JAKMIP1: variants seen among roughly 807,000 people sequenced by gnomAD.
JAKMIP1 encodes janus kinase and microtubule-interacting protein 1.
A neutral mutation model predicts 113.0 loss-of-function variants in JAKMIP1; 33 were observed. The observed-to-expected ratio is 0.29, with a 90% CI of 0.22 to 0.39. The LOEUF is 0.39. Among genes scored for constraint, JAKMIP1 ranks in the 10% least tolerant of loss-of-function variants. JAKMIP1 has a pLI of 1.00. For missense variants in JAKMIP1, 813 were observed against 1,080.5 expected, an observed-to-expected ratio of 0.75 and a Z score of 3.47; for synonymous variants, 480 against 459.9, an observed-to-expected ratio of 1.04 and a Z score of -0.56.
chr4:6,032,000 G>C lies in JAKMIP1; in HGVS notation c.2380-2219C>G, dbSNP rs1712739929. Among the ~76,000 whole-genome samples, 1 of 152,118 alleles carries C rather than the reference G, an allele frequency of 6.6e-6. No individual in the cohort carries two copies. Among genetic ancestry groups the C allele is most frequent in the Non-Finnish European group, 1.5e-5 (1 of 68,026 alleles). On this transcript the variant is annotated intron_variant, in intron 19 of 20. Transcript: ENST00000409021. This position sits in a 1 kb window ranked among gnomAD's most constrained non-coding sequence, Gnocchi z 4.4. ...GTCTGGTAGTGGCAGGAGTTTCCTG[G>C]CAACCCCCTCACATGCAGGGCGGCC...
rs1236327961 is a variant in JAKMIP1, at chr4:6,057,089, C to A, written c.1645-330G>T. ...GCATGCGGAAGGCTGACCTCATACC[C>A]CGCAGACTGGCCAGAGCCACACTGA... On this transcript the variant is annotated intron_variant, in intron 11 of 20. Coordinates refer to ENST00000409021, the MANE Select transcript of JAKMIP1 (RefSeq NM_001099433.2). 2.6e-5 allele frequency among the ~76,000 whole-genome samples: 4 copies of A among 152,194 alleles called. 1 individual carries two copies. The East Asian group carries it at 7.7e-4, about 29-fold the overall frequency.
rs767525335 is a variant in JAKMIP1 at position 6,081,561 on chromosome 4, G to A, written c.1101+48C>T. On this transcript the variant is annotated intron_variant, in intron 6 of 20. Coordinates refer to ENST00000409021, the MANE Select transcript of JAKMIP1 (RefSeq NM_001099433.2). The surrounding 1 kb of genome is among the most constrained non-coding windows in gnomAD (Gnocchi z 4.6). ...GGAGGTTCAGGGCTGAAGAATCCCA[G>A]ACAGAGAAGGGAGTGTCAGGGCTGT... 2.5e-6 allele frequency: 4 copies of A among 1,608,318 alleles called. No homozygotes were observed. The highest frequency in any genetic ancestry group is 2.2e-5 in the South Asian group (2 of 90,256).
intron 1 of JAKMIP1, among the ~76,000 whole-genome samples, chr4:6,174,289 G>A (rs1408809149): frequency 6.6e-6 from 1 of 152,196 alleles, no homozygotes; most frequent in Non-Finnish European, 1.5e-5. Flanking sequence ...GTGAACCACA[G>A]ACTCCAAAAG....
intron 5 of JAKMIP1, among the ~76,000 whole-genome samples, chr4:6,082,825 G>T (rs1169044706): frequency 6.6e-6 from 1 of 152,102 alleles, no homozygotes; most frequent in Non-Finnish European, 1.5e-5. Flanking sequence ...ACAGCCTAAA[G>T]ATCCACCACT....
chr4:6,200,535 C>A lies in JAKMIP1; in HGVS notation c.-430G>T, dbSNP rs949160206. 7 of 150,292 alleles carry A rather than the reference C, an allele frequency of 4.7e-5. No individual in the cohort carries two copies. The highest frequency in any genetic ancestry group is 3.9e-4 in the East Asian group (2 of 5,088). 9.3% of individuals were successfully genotyped at this position (150,292 alleles called of 1,614,324 possible). On this transcript the variant is annotated 5_prime_UTR_variant, in exon 1 of 21. Coordinates refer to ENST00000409021, the MANE Select transcript of JAKMIP1 (RefSeq NM_001099433.2). The surrounding 1 kb of genome is among the most constrained non-coding windows in gnomAD (Gnocchi z 7.0). ...ATCCGGGCAGGCGGCCGGCGCGTGC[C>A]GCACGCGGGTGGCTGCAGCTCCCTC...
chr4:6,141,555 AC>A lies in JAKMIP1; in HGVS notation c.-147-28559del, dbSNP rs954615327. On this transcript the variant is annotated intron_variant, in intron 1 of 20. Coordinates refer to ENST00000409021, the MANE Select transcript of JAKMIP1 (RefSeq NM_001099433.2). The surrounding 1 kb of genome is among the most constrained non-coding windows in gnomAD (Gnocchi z 9.4). ...ACAAATATTGACTACAGTCCTTAGG[AC>A]CCCCATAAATAATTTTATGGGCAAC... is the stretch of plus-strand genomic sequence containing the variant. Among the ~76,000 whole-genome samples the A allele has an allele frequency of 5.3e-5, 8 of 152,086 alleles. No homozygotes were observed. The highest frequency in any genetic ancestry group is 1.9e-4 in the African/African-American group (8 of 41,484).
Position 6,064,392 on chromosome 4 carries a change from G to C in JAKMIP1, c.1431+488C>G, listed in dbSNP as rs1485530545. Among the ~76,000 whole-genome samples, 1 of 152,190 alleles carries C rather than the reference G, an allele frequency of 6.6e-6. No individual in the cohort carries two copies. The highest frequency in any genetic ancestry group is 1.5e-5 in the Non-Finnish European group (1 of 68,034). On this transcript the variant is annotated intron_variant, in intron 9 of 20. Transcript: ENST00000409021. This position sits in a 1 kb window ranked among gnomAD's most constrained non-coding sequence, Gnocchi z 4.3. ...CAGGACAGGGTGAGGCGGTGACCTT[G>C]GGGTGATGGGACTTCAGGGCTCTTC...
In JAKMIP1 at chr4:6,157,227, T is replaced by C. The variant is rs1722353641; in HGVS notation, c.-148+43026A>G. On this transcript the variant is annotated intron_variant, in intron 1 of 20. Transcript: ENST00000409021. The surrounding 1 kb of genome is among the most constrained non-coding windows in gnomAD (Gnocchi z 4.7). ...CCTCCAGAACTGTAAGAAACGCATT[T>C]ATTTTCTTTATAAACTACCCAGGTG... Among the ~76,000 whole-genome samples, 2 of 152,184 alleles carry C rather than the reference T, an allele frequency of 1.3e-5. No homozygotes were observed. Among genetic ancestry groups the C allele is most frequent in the African/African-American group, 4.8e-5 (2 of 41,450 alleles).
chr4:6,175,806 C>T (rs1238256918), intron 1 of JAKMIP1, among the ~76,000 whole-genome samples: 2 of 152,192 alleles, frequency 1.3e-5, no homozygotes, highest in Non-Finnish European at 2.9e-5. Context: ...TAGCAGATGC[C>T]TTGGAACTCT....
intron 10 of JAKMIP1, among the ~76,000 whole-genome samples, chr4:6,060,731 A>C (rs1020074741): frequency 5.3e-5 from 8 of 152,224 alleles, no homozygotes; most frequent in African/African-American, 1.2e-4. Context: ...TGGTTTTACA[A>C]ACCAAAACTT....
intron 1 of JAKMIP1, among the ~76,000 whole-genome samples, chr4:6,126,566 A>T (rs895134773): frequency 6.7e-6 from 1 of 148,794 alleles, no homozygotes; most frequent in Non-Finnish European, 1.5e-5. Context: ...CACCATGCAG[A>T]AACACTCACA....
rs943909629 is a variant in JAKMIP1 at position 6,033,793 on chromosome 4, G to GA, written c.2379+2110dup. The stretch of plus-strand genomic sequence containing the variant: ...GCAGGTTTGAATTCCTTCTCTTTGG[G>GA]AAAAAAAAATGTAGGTTTTGCAATA... On this transcript the variant is annotated intron_variant, in intron 19 of 20. Transcript: ENST00000409021. Among the ~76,000 whole-genome samples the GA allele has an allele frequency of 1.5e-3, 229 of 150,974 alleles. 1 individual carries two copies. The highest frequency in any genetic ancestry group is 4.8e-3 in the African/African-American group (197 of 41,226).
In JAKMIP1 at chr4:6,167,075, C is replaced by T. The variant is rs1560308468; in HGVS notation, c.-148+33178G>A. ...CAAGTACTTGGAACAGTGCCTGGTG[C>T]GTAGGGGGTACTCAGGGTGGGCTGC... On this transcript the variant is annotated intron_variant, in intron 1 of 20. Transcript: ENST00000409021. This position sits in a 1 kb window ranked among gnomAD's most constrained non-coding sequence, Gnocchi z 5.3. Among the ~76,000 whole-genome samples the T allele has an allele frequency of 2.0e-5, 3 of 152,100 alleles. No homozygotes were observed. The highest frequency in any genetic ancestry group is 1.9e-4 in the East Asian group (1 of 5,188).
chr4:6,196,581 C>T lies in JAKMIP1; in HGVS notation c.-148+3672G>A, dbSNP rs565643297. On this transcript the variant is annotated intron_variant, in intron 1 of 20. Coordinates refer to ENST00000409021, the MANE Select transcript of JAKMIP1 (RefSeq NM_001099433.2). The stretch of plus-strand genomic sequence containing the variant: ...AAAAGCACCAAGAAGGGGCCAGGTG[C>T]GGTGGCTCACGCCTGTACTCCCAGC... Among the ~76,000 whole-genome samples, 11 of 152,224 alleles carry T rather than the reference C, an allele frequency of 7.2e-5. No individual in the cohort carries two copies. The South Asian group carries it at 1.7e-3, about 23-fold the overall frequency.
chr4:6,074,050 T>C (rs1719347179), intron 8 of JAKMIP1, among the ~76,000 whole-genome samples: 1 of 152,190 alleles, frequency 6.6e-6, no homozygotes, highest in Non-Finnish European at 1.5e-5. Context: ...ACCTCTCCTT[T>C]GGGGCTAACG....
At chr4:6,085,135 G>A (rs868603372) in intron 4 of JAKMIP1, among the ~76,000 whole-genome samples, 170 bp from the exon 5 acceptor site, 3 of 151,962 alleles carry the variant, frequency 2.0e-5, no homozygotes, top group East Asian at 3.9e-4. Context: ...GCACACCTGC[G>A]GAAGACTCCA....
rs1342375084 is a variant in JAKMIP1, at chr4:6,197,725, C to A, written c.-148+2528G>T. ...AAAGCCCAGCAGGGAGGCACTTGCC[C>A]AGTCACAGCTAAGTGAGGCAGGGCC... On this transcript the variant is annotated intron_variant, in intron 1 of 20. Transcript: ENST00000409021. This position sits in a 1 kb window ranked among gnomAD's most constrained non-coding sequence, Gnocchi z 6.5. Among the ~76,000 whole-genome samples, 1 of 152,214 alleles carries A rather than the reference C, an allele frequency of 6.6e-6. No individual in the cohort carries two copies. Among genetic ancestry groups the A allele is most frequent in the African/African-American group, 2.4e-5 (1 of 41,446 alleles).
rs1718010336 is a variant in JAKMIP1, at chr4:6,065,945, C to T, written c.1303-937G>A. On this transcript the variant is annotated intron_variant, in intron 8 of 20. Coordinates refer to ENST00000409021, the MANE Select transcript of JAKMIP1 (RefSeq NM_001099433.2). The surrounding 1 kb of genome is among the most constrained non-coding windows in gnomAD (Gnocchi z 5.1). ...ATCCCCTAGGGGCTACAGACCTCAACCCACAATCACCAGATCAATGTCTCT... is the reference window on the plus strand; with the variant it reads ...ATCCCCTAGGGGCTACAGACCTCAATCCACAATCACCAGATCAATGTCTCT... Among the ~76,000 whole-genome samples the T allele has an allele frequency of 6.6e-6, 1 of 152,228 alleles. No homozygotes were observed. Among genetic ancestry groups the T allele is most frequent in the Non-Finnish European group, 1.5e-5 (1 of 68,048 alleles).
Position 6,187,665 on chromosome 4 carries a change from G to T in JAKMIP1, c.-148+12588C>A, listed in dbSNP as rs1726795760. 6.6e-6 allele frequency among the ~76,000 whole-genome samples: 1 copy of T among 152,194 alleles called. No individual in the cohort carries two copies. The highest frequency in any genetic ancestry group is 2.4e-5 in the African/African-American group (1 of 41,442). ...CTGAATCTGCCGGTACCTTGATCTTGGACTTCCCAGCCTCTAGAACTGTGA... is the reference window on the plus strand; with the variant it reads ...CTGAATCTGCCGGTACCTTGATCTTTGACTTCCCAGCCTCTAGAACTGTGA... On this transcript the variant is annotated intron_variant, in intron 1 of 20. Coordinates refer to ENST00000409021, the MANE Select transcript of JAKMIP1 (RefSeq NM_001099433.2). This position sits in a 1 kb window ranked among gnomAD's most constrained non-coding sequence, Gnocchi z 4.2.
Sources: gnomAD v4.1 joint callset for allele counts (sites outside exome capture counted in the v4.1 genomes callset) on GRCh38, gnomAD v4.1.1 for gene constraint, Gnocchi (gnomAD v3.1) non-coding constraint, MANE v1.5 for transcripts, NCBI Gene and HGNC (gene_info 2026-07-23, HGNC 2026-07-21) for gene names.